Variants in MACC1 observed in about 807,000 individuals in gnomAD.
MACC1 encodes MET transcriptional regulator MACC1.
Under a neutral mutation model 70.7 loss-of-function variants are expected in MACC1, and 79 were observed. That is an observed-to-expected ratio of 1.12 (90% CI 0.93 to 1.35). The LOEUF (loss-of-function observed/expected upper bound fraction) is 1.35, where lower values mean the gene tolerates loss of function less well. Ranked by LOEUF, MACC1 falls within the 40% of genes most tolerant of loss-of-function variation. The pLI is 0.00. For missense variants in MACC1, 1,106 were observed against 978.1 expected, an observed-to-expected ratio of 1.13 and a Z score of -1.74; for synonymous variants, 361 against 347.2, an observed-to-expected ratio of 1.04 and a Z score of -0.44.
At chr7:20,195,630 G>GCA (rs34231635) in intron 1 of MACC1, among the ~76,000 whole-genome samples, 209 of 152,252 alleles carry the variant, frequency 1.4e-3, no homozygotes, top group Middle Eastern at 3.4e-3. Context: ...GGACACAAAG[G>GCA]CACACAAGTG....
rs185305981 is a variant in MACC1 at position 20,205,108 on chromosome 7, A to T, written c.-218+12191T>A. Among the ~76,000 whole-genome samples, 1,212 of 152,316 alleles carry T rather than the reference A, an allele frequency of 8.0e-3. 12 individuals carry two copies. The highest frequency in any genetic ancestry group is 9.7e-3 in the Non-Finnish European group (658 of 68,028). Reference sequence around the variant, plus strand: ...TTTTTTTTTTAGAATGGAAAAAAACATGAAGAGAAAGTCTCATAAAGTTTT... The same window carrying T: ...TTTTTTTTTTAGAATGGAAAAAAACTTGAAGAGAAAGTCTCATAAAGTTTT... On this transcript the variant is annotated intron_variant, in intron 1 of 6. Transcript: ENST00000400331.
chr7:20,194,021 G>A (rs145985052), intron 1 of MACC1, among the ~76,000 whole-genome samples: 206 of 152,220 alleles, frequency 1.4e-3, no homozygotes, highest in African/African-American at 4.8e-3. Context: ...TGTGGCCAGC[G>A]GTTCTCTGAT....
rs963442747 is a variant in MACC1, at chr7:20,140,108, A to G, written c.*838T>C. 2.0e-5 allele frequency: 3 copies of G among 152,220 alleles called. No homozygotes were observed. Among genetic ancestry groups the G allele is most frequent in the Non-Finnish European group, 4.4e-5 (3 of 68,044 alleles). 9.4% of individuals were successfully genotyped at this position (152,220 alleles called of 1,614,324 possible). A position where few individuals can be genotyped will look rare whatever the true frequency, so the allele number is the denominator to read the frequency against. On this transcript the variant is annotated 3_prime_UTR_variant, in exon 7 of 7. Coordinates refer to ENST00000400331, the MANE Select transcript of MACC1 (RefSeq NM_182762.4). ...GGGAGCTGATGAAAACACTAGGTCC[A>G]TGCATGCAGACAACAGATTTCTGAT...
At position 20,174,994 on chromosome 7, in the gene MACC1, C is replaced by T. The variant is rs116156106; in HGVS notation, c.-217-4216G>A. ...GTATATCACATATCCCAAATATCATCTCCCAGTATCTTCTCAGTTCTCCTA... is the reference window on the plus strand; with the variant it reads ...GTATATCACATATCCCAAATATCATTTCCCAGTATCTTCTCAGTTCTCCTA... On this transcript the variant is annotated intron_variant, in intron 1 of 6. Coordinates refer to ENST00000400331, the MANE Select transcript of MACC1 (RefSeq NM_182762.4). Among the ~76,000 whole-genome samples, 542 of 152,188 alleles carry T rather than the reference C, an allele frequency of 3.6e-3. 8 individuals carry two copies. Among genetic ancestry groups the T allele is most frequent in the African/African-American group, 0.012 (509 of 41,540 alleles).
At chr7:20,214,429 A>G (rs1359283165) in intron 1 of MACC1, among the ~76,000 whole-genome samples, 1 of 152,082 alleles carries the variant, frequency 6.6e-6, no homozygotes, top group Non-Finnish European at 1.5e-5. Context: ...GTACCTCATC[A>G]TGATTTTTCC....
chr7:20,179,697 T>G (rs1782470069), intron 1 of MACC1, among the ~76,000 whole-genome samples: 1 of 152,234 alleles, frequency 6.6e-6, no homozygotes, highest in East Asian at 1.9e-4. Context: ...GTTTTTTGTT[T>G]TTTGTTTTCA....
intron 1 of MACC1, among the ~76,000 whole-genome samples, chr7:20,171,173 T>C (rs952610639): frequency 5.3e-5 from 8 of 152,124 alleles, no homozygotes; most frequent in African/African-American, 1.9e-4. Flanking sequence ...ATATATATGA[T>C]TCAGCTGAAC....
chr7:20,160,729 T>C (rs1207921046), intron 4 of MACC1, among the ~76,000 whole-genome samples: 3 of 152,138 alleles, frequency 2.0e-5, no homozygotes, highest in South Asian at 2.1e-4. Context: ...CCTTTTCAGA[T>C]AATATTGAAT....
chr7:20,174,195 T>TA (rs1782358141), intron 1 of MACC1, among the ~76,000 whole-genome samples: 1 of 152,166 alleles, frequency 6.6e-6, no homozygotes, highest in Non-Finnish European at 1.5e-5. Flanking sequence ...GATAATGCAA[T>TA]ATGTGTATAA....
At chr7:20,177,929 C>T (rs556083779) in intron 1 of MACC1, among the ~76,000 whole-genome samples, 1 of 152,144 alleles carries the variant, frequency 6.6e-6, no homozygotes, top group East Asian at 1.9e-4. Context: ...TGAGTTCCAT[C>T]CCTTTAAAAT....
At position 20,158,441 on chromosome 7, in the gene MACC1, G is replaced by A; in HGVS notation, c.1920C>T (p.Val640=). 1.2e-6 allele frequency: 2 copies of A among 1,613,878 alleles called. No homozygotes were observed. Among genetic ancestry groups the A allele is most frequent in the Non-Finnish European group, 1.7e-6 (2 of 1,179,970 alleles). Residue 640 remains valine, a synonymous_variant, in exon 5 of 7, where the codon GTC becomes GTT. Coordinates refer to ENST00000400331, the MANE Select transcript of MACC1 (RefSeq NM_182762.4). ...FTTRNLLEQI[V]LPLKKLTYIY... is the part of the protein sequence containing the mutation. The stretch of plus-strand genomic sequence containing the variant: ...TATAAGTCAATTTTTTTAAAGGCAG[G>A]ACAATCTGTTCAAGAAGATTTCTGG...
At chr7:20,146,315 T>C (rs1431113910) in intron 6 of MACC1, among the ~76,000 whole-genome samples, 2 of 152,226 alleles carry the variant, frequency 1.3e-5, no homozygotes, top group African/African-American at 4.8e-5. Flanking sequence ...TACTTTTATT[T>C]TTTCTGCATT....
chr7:20,156,609 C>T (rs1782058264), intron 5 of MACC1, among the ~76,000 whole-genome samples: 1 of 152,186 alleles, frequency 6.6e-6, no homozygotes, highest in African/African-American at 2.4e-5. Context: ...TTCTAACATT[C>T]AGTCTCCAAT....
chr7:20,161,594 T>G (rs111828585), intron 4 of MACC1, among the ~76,000 whole-genome samples, 154 bp downstream of exon 4: 6 of 152,192 alleles, frequency 3.9e-5, no homozygotes, highest in African/African-American at 1.4e-4. Flanking sequence ...TGCTATTTTA[T>G]TTTGCACATC....
rs1034182176 is a variant in MACC1 at position 20,135,030 on chromosome 7, A to G, written c.*5916T>C. 7 of 152,242 alleles carry G rather than the reference A, an allele frequency of 4.6e-5. No homozygotes were observed. Among genetic ancestry groups the G allele is most frequent in the African/African-American group, 1.7e-4 (7 of 41,466 alleles). 9.4% of individuals were successfully genotyped at this position (152,242 alleles called of 1,614,324 possible). On this transcript the variant is annotated 3_prime_UTR_variant, in exon 7 of 7. Transcript: ENST00000400331. ...ATTCTACAGTGAAAGCAGGGCATAT[A>G]GATAGCTGTATTGATCACATTGATT...
At chr7:20,210,497 C>G (rs1028086558) in intron 1 of MACC1, among the ~76,000 whole-genome samples, 17 of 152,178 alleles carry the variant, frequency 1.1e-4, no homozygotes, top group Non-Finnish European at 7.4e-5. Flanking sequence ...AAAATACATG[C>G]TAACTGAATA....
intron 5 of MACC1, among the ~76,000 whole-genome samples, chr7:20,155,357 A>G (rs2128102096): frequency 6.6e-6 from 1 of 152,344 alleles, no homozygotes; most frequent in Non-Finnish European, 1.5e-5. Context: ...CACCTATGGA[A>G]AAGTTTAATT....
At chr7:20,143,735 T>C (rs1350079795) in intron 6 of MACC1, among the ~76,000 whole-genome samples, 3 of 152,162 alleles carry the variant, frequency 2.0e-5, no homozygotes, top group African/African-American at 7.2e-5. Flanking sequence ...TCGATAGCTC[T>C]TGCAAATCAG....
At chr7:20,148,318 G>A (rs1019663596) in intron 6 of MACC1, among the ~76,000 whole-genome samples, 1 of 152,150 alleles carries the variant, frequency 6.6e-6, no homozygotes, top group African/African-American at 2.4e-5. Flanking sequence ...AACTATCCAG[G>A]AAAAGAACCC....
Sources: allele counts gnomAD v4.1 joint callset (sites outside exome capture counted in the v4.1 genomes callset), GRCh38; gene constraint gnomAD v4.1.1; transcripts MANE v1.5; gene names NCBI Gene and HGNC (gene_info 2026-07-23, HGNC 2026-07-21).